Variants in CNTFR observed in about 807,000 individuals in gnomAD.
The protein encoded by CNTFR is ciliary neurotrophic factor receptor.
Under a neutral mutation model 40.4 loss-of-function variants are expected in CNTFR, and 12 were observed. The observed-to-expected ratio is 0.30, with a 90% CI of 0.19 to 0.48. The LOEUF is 0.48. CNTFR is among the 20% of genes least tolerant of loss of function. The pLI, the probability that CNTFR is intolerant of heterozygous loss-of-function variation, is 0.99. For synonymous variants in CNTFR, 202 were observed against 209.6 expected, an observed-to-expected ratio of 0.96 and a Z score of 0.31; for missense variants, 414 against 506.8, an observed-to-expected ratio of 0.82 and a Z score of 1.76.
At chr9:34,569,125 A>T (rs1826457100) in intron 2 of CNTFR, 144 bp from the exon 3 acceptor site, 11 of 692,982 alleles carry the variant, frequency 1.6e-5, no homozygotes, top group Non-Finnish European at 2.2e-5. Context: ...GCTTTCACCC[A>T]ACCCGACTGA....
chr9:34,558,007 C>T, intron 4 of CNTFR, 23 bp from the exon 5 acceptor site: 1 of 1,497,188 alleles, frequency 6.7e-7, no homozygotes, highest in African/African-American at 1.4e-5. Flanking sequence ...ACAGTATGGT[C>T]AGGGCATTCT....
chr9:34,574,097 G>T (rs541497121), intron 2 of CNTFR, among the ~76,000 whole-genome samples: 1 of 152,090 alleles, frequency 6.6e-6, no homozygotes. Context: ...CGTGGGCGGT[G>T]GGGGCGGGGG....
chr9:34,552,384 C>G lies in CNTFR; in HGVS notation c.950-55G>C. ...GGCCAGGGCTGGGTCCCATCCAGAT[C>G]TGGGGGCTCATGAGACATACCATTC... On this transcript the variant is annotated intron_variant, in intron 8 of 9. Transcript: ENST00000378980. The surrounding 1 kb of genome is among the most constrained non-coding windows in gnomAD (Gnocchi z 5.1). 6.7e-7 allele frequency: 1 copy of G among 1,488,532 alleles called. No homozygotes were observed. The highest frequency in any genetic ancestry group is 9.0e-7 in the Non-Finnish European group (1 of 1,115,550). 92.2% of individuals were successfully genotyped at this position (1,488,532 alleles called of 1,614,324 possible). A position where few individuals can be genotyped will look rare whatever the true frequency, so the allele number is the denominator to read the frequency against.
In CNTFR at chr9:34,552,167, A is replaced by C; in HGVS notation, c.1112T>G (p.Leu371Trp). Residue 371 changes from leucine to tryptophan, a missense_variant, in exon 9 of 10, where the codon TTG (leucine) becomes TGG (tryptophan). By Grantham distance (61) the Leu-to-Trp change is moderately conservative. This residue lies in a region of CNTFR where 81 missense variants were observed against 92.2 expected (regional missense o/e 0.88). Transcript: ENST00000378980. The surrounding 1 kb of genome is among the most constrained non-coding windows in gnomAD (Gnocchi z 5.1). ...CCAGCCTCACTCAACCTACCAGATC[A>C]AGAGACTGCTGGCAGTGGCGGCAGC... ...AAAAATASSLLI is the reference protein window; with the variant it reads ...AAAAATASSLWI 6.3e-7 allele frequency: 1 copy of C among 1,597,410 alleles called. No individual in the cohort carries two copies. Among genetic ancestry groups the C allele is most frequent in the Non-Finnish European group, 8.5e-7 (1 of 1,172,236 alleles).
chr9:34,585,565 TCTG>T (rs1475188076), intron 1 of CNTFR, among the ~76,000 whole-genome samples: 12 of 152,294 alleles, frequency 7.9e-5, no homozygotes, highest in Non-Finnish European at 1.3e-4. Flanking sequence ...AGTGCCTAGC[TCTG>T]GTGACCCCCA....
rs546014242 is a variant in CNTFR, at chr9:34,588,373, T to C, written c.-112+1182A>G. On this transcript the variant is annotated intron_variant, in intron 1 of 9. Transcript: ENST00000378980. ...TAGATACACAAAAATACACCTGGTG[T>C]TTCAGGCCCCTCGGACACACAGCAA... Among the ~76,000 whole-genome samples, 6 of 152,194 alleles carry C rather than the reference T, an allele frequency of 3.9e-5. No homozygotes were observed. In the South Asian group the frequency reaches 1.2e-3, roughly 32 times the overall value.
intron 3 of CNTFR, among the ~76,000 whole-genome samples, chr9:34,567,558 C>T (rs775779630): frequency 1.8e-4 from 28 of 152,110 alleles, no homozygotes; most frequent in Non-Finnish European, 3.7e-4. Flanking sequence ...CACATGTACA[C>T]GTACAAGAAG....
intron 3 of CNTFR, 67 bp from the exon 4 acceptor site, chr9:34,564,899 C>T (rs1013493965): frequency 2.1e-4 from 299 of 1,392,110 alleles, no homozygotes; most frequent in Middle Eastern, 2.0e-3. Context: ...CGCAGGCGAG[C>T]GTGCTCAGAC....
chr9:34,582,135 C>A (rs188625963), intron 1 of CNTFR, among the ~76,000 whole-genome samples: 1 of 152,074 alleles, frequency 6.6e-6, no homozygotes, highest in East Asian at 1.9e-4. Context: ...ATTAGCCAGG[C>A]GTGGTGGCAT....
At chr9:34,577,154 G>GCGGAGT (rs1343222718) in intron 2 of CNTFR, among the ~76,000 whole-genome samples, 2 of 152,196 alleles carry the variant, frequency 1.3e-5, no homozygotes, top group Non-Finnish European at 2.9e-5. Context: ...AGGAGTAGAC[G>GCGGAGT]CGGAGTCGCT....
At chr9:34,577,482 AG>A (rs1827035544) in intron 2 of CNTFR, among the ~76,000 whole-genome samples, 1 of 152,220 alleles carries the variant, frequency 6.6e-6, no homozygotes, top group African/African-American at 2.4e-5. Flanking sequence ...AAATGAAATC[AG>A]GCAGTGGGGA....
intron 2 of CNTFR, among the ~76,000 whole-genome samples, chr9:34,578,688 T>G (rs1827123006): frequency 6.6e-6 from 1 of 152,182 alleles, no homozygotes; most frequent in Admixed American, 6.5e-5. Context: ...CCAGGTCCTA[T>G]TCCAGGTCCT....
intron 7 of CNTFR, among the ~76,000 whole-genome samples, chr9:34,553,442 C>T (rs372018003): frequency 6.6e-6 from 1 of 152,186 alleles, no homozygotes; most frequent in South Asian, 2.1e-4. Flanking sequence ...CTTAGGGTTA[C>T]AATGAGGACC....
intron 4 of CNTFR, among the ~76,000 whole-genome samples, chr9:34,562,391 A>T (rs1211600145): frequency 6.6e-6 from 1 of 152,162 alleles, no homozygotes; most frequent in Non-Finnish European, 1.5e-5. Flanking sequence ...TTGGGTTTTG[A>T]ACGCCATCTC....
intron 3 of CNTFR, among the ~76,000 whole-genome samples, chr9:34,567,795 A>G (rs140875066): frequency 2.9e-4 from 44 of 152,294 alleles, no homozygotes; most frequent in African/African-American, 1.0e-3. Flanking sequence ...AAATGCACTC[A>G]AACAGGGACA....
At chr9:34,562,941 C>A (rs1826127769) in intron 4 of CNTFR, among the ~76,000 whole-genome samples, 1 of 152,186 alleles carries the variant, frequency 6.6e-6, no homozygotes, top group Non-Finnish European at 1.5e-5. Context: ...TCATTTCCCT[C>A]CATCGACCTC....
intron 4 of CNTFR, among the ~76,000 whole-genome samples, chr9:34,558,194 AC>A (rs1344563258): frequency 2.0e-5 from 3 of 152,144 alleles, no homozygotes; most frequent in African/African-American, 7.2e-5. Flanking sequence ...GGCTGTGCGG[AC>A]ACGGAACCCC....
intron 3 of CNTFR, among the ~76,000 whole-genome samples, chr9:34,566,615 G>C (rs1046382233): frequency 1.1e-4 from 16 of 152,128 alleles, no homozygotes; most frequent in African/African-American, 3.9e-4. Flanking sequence ...GCACCCCCTA[G>C]CAGAGACTTT....
chr9:34,572,595 C>T (rs1342280284), intron 2 of CNTFR, among the ~76,000 whole-genome samples: 1 of 152,204 alleles, frequency 6.6e-6, no homozygotes, highest in Non-Finnish European at 1.5e-5. Context: ...CAGCACAGAA[C>T]CCTAGTGTCA....
Sources: allele counts gnomAD v4.1 joint callset (sites outside exome capture counted in the v4.1 genomes callset), GRCh38; gene constraint gnomAD v4.1.1; regional missense constraint gnomAD v4.1.1; non-coding constraint Gnocchi (gnomAD v3.1); transcripts MANE v1.5; gene names NCBI Gene and HGNC (gene_info 2026-07-23, HGNC 2026-07-21).